CDH18: variants seen among roughly 807,000 people sequenced by gnomAD.
CDH18 encodes cadherin-18.
A neutral mutation model predicts 67.9 loss-of-function variants in CDH18; 31 were observed. That is an observed-to-expected ratio of 0.46 (90% CI 0.34 to 0.62). The LOEUF is 0.62. CDH18 is among the 20% of genes least tolerant of loss of function. The probability of loss-of-function intolerance (pLI) is 0.01; values close to 1 mark genes in which losing one functional copy is unlikely to be tolerated. For missense variants in CDH18, 890 were observed against 975.5 expected, an observed-to-expected ratio of 0.91 and a Z score of 1.17; for synonymous variants, 362 against 347.2, an observed-to-expected ratio of 1.04 and a Z score of -0.48.
At chr5:19,723,279 A>C (rs1212417782) in intron 4 of CDH18, among the ~76,000 whole-genome samples, 1 of 152,112 alleles carries the variant, frequency 6.6e-6, no homozygotes, top group Non-Finnish European at 1.5e-5. Flanking sequence ...CAAAAAAAAA[A>C]AGAAAGAAAA....
chr5:19,649,604 T>A (rs529663258), intron 5 of CDH18, among the ~76,000 whole-genome samples: 41 of 152,114 alleles, frequency 2.7e-4, no homozygotes, highest in African/African-American at 9.4e-4. Context: ...ATACCTGCAA[T>A]AGACACTTTA....
intron 2 of CDH18, among the ~76,000 whole-genome samples, chr5:20,007,794 G>A (rs747177445): frequency 4.0e-5 from 6 of 151,152 alleles, no homozygotes; most frequent in Non-Finnish European, 8.8e-5. Context: ...AAATGGTTAA[G>A]AAAAATCAAA....
chr5:20,500,982 T>C lies in CDH18; in HGVS notation c.-580+74480A>G, dbSNP rs558910725. Among the ~76,000 whole-genome samples the C allele has an allele frequency of 3.3e-5, 5 of 152,256 alleles. No homozygotes were observed. In the East Asian group the frequency reaches 9.7e-4, roughly 29 times the overall value. ...ATGCTATAGTTCAAATTTAGTATCA[T>C]AGAACTCAACTGACCTTGGACTAGC... On this transcript the variant is annotated intron_variant, in intron 1 of 14. Transcript: ENST00000507958.
intron 4 of CDH18, among the ~76,000 whole-genome samples, chr5:19,737,205 C>T (rs1256044591): frequency 6.6e-6 from 1 of 152,050 alleles, no homozygotes; most frequent in East Asian, 1.9e-4. Flanking sequence ...TGTGCATTCA[C>T]TCTCTATCTG....
chr5:19,522,585 T>C (rs1747076036), intron 9 of CDH18, among the ~76,000 whole-genome samples: 1 of 152,054 alleles, frequency 6.6e-6, no homozygotes, highest in African/African-American at 2.4e-5. Flanking sequence ...CAGACTTGTA[T>C]GAAGAAGAGG....
intron 5 of CDH18, among the ~76,000 whole-genome samples, chr5:19,654,716 G>T (rs1433081855): frequency 6.6e-6 from 1 of 152,158 alleles, no homozygotes; most frequent in East Asian, 1.9e-4. Context: ...TGTCCAGGAA[G>T]AATCAGATCA....
At chr5:19,515,246 T>G (rs556693421) in intron 10 of CDH18, among the ~76,000 whole-genome samples, 1 of 152,344 alleles carries the variant, frequency 6.6e-6, no homozygotes, top group Non-Finnish European at 1.5e-5. Flanking sequence ...TTGGTTACTG[T>G]AGCCTTGTAG....
At chr5:19,759,333 C>T (rs949681949) in intron 3 of CDH18, among the ~76,000 whole-genome samples, 7 of 152,162 alleles carry the variant, frequency 4.6e-5, no homozygotes, top group Admixed American at 3.3e-4. Flanking sequence ...TCTGCAATCC[C>T]TCCAGGGATG....
intron 3 of CDH18, among the ~76,000 whole-genome samples, chr5:19,788,877 C>A (rs1365249924): frequency 6.6e-6 from 1 of 152,092 alleles, no homozygotes; most frequent in East Asian, 1.9e-4. Context: ...TCACCATGGC[C>A]TTTCTCTTCT....
At chr5:20,171,097 T>C (rs1736673019) in intron 2 of CDH18, among the ~76,000 whole-genome samples, 1 of 152,068 alleles carries the variant, frequency 6.6e-6, no homozygotes, top group South Asian at 2.1e-4. Context: ...ATGTACCACA[T>C]TTTCTTTATC....
intron 8 of CDH18, among the ~76,000 whole-genome samples, chr5:19,551,943 C>T (rs775426968): frequency 6.6e-6 from 1 of 152,266 alleles, no homozygotes; most frequent in Non-Finnish European, 1.5e-5. Flanking sequence ...AATAATAACA[C>T]AGATGTATTG....
chr5:19,832,908 G>T (rs534198089), intron 3 of CDH18, among the ~76,000 whole-genome samples: 1 of 152,198 alleles, frequency 6.6e-6, no homozygotes, highest in African/African-American at 2.4e-5. Context: ...CCAGCACCCT[G>T]CTGTTTTGGT....
At chr5:19,730,412 T>A (rs1767432192) in intron 4 of CDH18, among the ~76,000 whole-genome samples, 1 of 152,234 alleles carries the variant, frequency 6.6e-6, no homozygotes, top group Admixed American at 6.5e-5. Flanking sequence ...TTGATGCTAA[T>A]ATTGTTAGTA....
intron 1 of CDH18, among the ~76,000 whole-genome samples, chr5:20,354,470 A>G (rs1226479186): frequency 6.6e-6 from 1 of 152,168 alleles, no homozygotes; most frequent in African/African-American, 2.4e-5. Context: ...GCTGCAGTAC[A>G]GTGGAGCAGT....
intron 1 of CDH18, among the ~76,000 whole-genome samples, chr5:20,499,367 ATTT>A (rs1754105910): frequency 6.6e-6 from 1 of 152,048 alleles, no homozygotes; most frequent in Non-Finnish European, 1.5e-5. Context: ...TATATGTATT[ATTT>A]TTATTTTTGT....
intron 5 of CDH18, among the ~76,000 whole-genome samples, chr5:19,666,237 T>TTTA (rs70950082): frequency 0.12 from 15,730 of 127,874 alleles, 988 homozygotes; most frequent in East Asian, 0.16. Flanking sequence ...CTGTATGATT[T>TTTA]TTATTATTAT....
intron 2 of CDH18, among the ~76,000 whole-genome samples, chr5:20,234,782 G>A (rs1742346626): frequency 6.6e-6 from 1 of 152,098 alleles, no homozygotes; most frequent in African/African-American, 2.4e-5. Context: ...TAATTTGAAA[G>A]CCCAAAGAAC....
chr5:19,673,103 G>T (rs898575063), intron 5 of CDH18, among the ~76,000 whole-genome samples: 12 of 151,986 alleles, frequency 7.9e-5, no homozygotes, highest in African/African-American at 2.9e-4. Context: ...CTTTTTTTCT[G>T]ATTTGAGACA....
chr5:20,269,796 C>T (rs1369905809), intron 1 of CDH18, among the ~76,000 whole-genome samples: 1 of 152,058 alleles, frequency 6.6e-6, no homozygotes, highest in East Asian at 1.9e-4. Context: ...GTGACAGATA[C>T]TCTAGAAGCC....
Sources: allele counts gnomAD v4.1 joint callset (sites outside exome capture counted in the v4.1 genomes callset), GRCh38; gene constraint gnomAD v4.1.1; transcripts MANE v1.5; gene names NCBI Gene and HGNC (gene_info 2026-07-23, HGNC 2026-07-21).